The following HS6ST3 variants were observed in gnomAD, a reference collection of about 807,000 sequenced individuals.
HS6ST3 encodes the protein heparan-sulfate 6-O-sulfotransferase 3.
A neutral mutation model predicts 36.7 loss-of-function variants in HS6ST3; 12 were observed. The observed-to-expected ratio is 0.33, with a 90% CI of 0.21 to 0.53. The LOEUF is 0.53. Ranked by LOEUF, HS6ST3 falls within the 20% of genes least tolerant of loss-of-function variation. HS6ST3 has a pLI of 0.95. For synonymous variants in HS6ST3, 240 were observed against 257.5 expected (o/e 0.93, Z 0.65); for missense variants, 584 against 640.9 (o/e 0.91, Z 0.96).
At chr13:96,762,686 G>C (rs567211172) in intron 1 of HS6ST3, among the ~76,000 whole-genome samples, 1 of 152,088 alleles carries the variant, frequency 6.6e-6, no homozygotes, top group Non-Finnish European at 1.5e-5. Context: ...ATTAACAAAC[G>C]GTTGTTCATT....
At chr13:96,441,262 TAA>T in intron 1 of HS6ST3, among the ~76,000 whole-genome samples, 1 of 152,044 alleles carries the variant, frequency 6.6e-6, no homozygotes, top group East Asian at 1.9e-4. Context: ...CAAACTAAGA[TAA>T]AGACTTGAAA....
chr13:96,292,197 A>G (rs1042812110), intron 1 of HS6ST3, among the ~76,000 whole-genome samples: 2 of 138,152 alleles, frequency 1.4e-5, no homozygotes, highest in African/African-American at 5.3e-5. Flanking sequence ...AAGTTTTTAG[A>G]AGTTTAGAGT....
At chr13:96,556,938 G>C (rs2056243332) in intron 1 of HS6ST3, among the ~76,000 whole-genome samples, 1 of 152,182 alleles carries the variant, frequency 6.6e-6, no homozygotes, top group South Asian at 2.1e-4. Context: ...AGCAGCAGCA[G>C]CTACAGCAAA....
chr13:96,724,574 ATAGAT>A (rs1374938681), intron 1 of HS6ST3, among the ~76,000 whole-genome samples: 1 of 152,110 alleles, frequency 6.6e-6, no homozygotes, highest in Non-Finnish European at 1.5e-5. Flanking sequence ...TTCTGTGACT[ATAGAT>A]TAGTTTTCAT....
chr13:96,349,516 A>G (rs1304710191), intron 1 of HS6ST3, among the ~76,000 whole-genome samples: 1 of 152,218 alleles, frequency 6.6e-6, no homozygotes, highest in Non-Finnish European at 1.5e-5. Context: ...GGAAACATCC[A>G]GGGATATAAT....
At chr13:96,416,421 A>G (rs1266296821) in intron 1 of HS6ST3, among the ~76,000 whole-genome samples, 1 of 152,228 alleles carries the variant, frequency 6.6e-6, no homozygotes, top group Admixed American at 6.5e-5. Context: ...AAATTTTGCA[A>G]TCACTAAGCA....
chr13:96,598,518 A>G (rs998146500), intron 1 of HS6ST3, among the ~76,000 whole-genome samples: 1 of 152,108 alleles, frequency 6.6e-6, no homozygotes, highest in Non-Finnish European at 1.5e-5. Flanking sequence ...ATCTGTGTAC[A>G]TTGATCTGTA....
At chr13:96,401,876 A>G (rs1404936144) in intron 1 of HS6ST3, among the ~76,000 whole-genome samples, 1 of 152,170 alleles carries the variant, frequency 6.6e-6, no homozygotes, top group Non-Finnish European at 1.5e-5. Context: ...ACCCAGCAGG[A>G]TTGTTATTTA....
At chr13:96,390,850 C>A (rs377077549) in intron 1 of HS6ST3, among the ~76,000 whole-genome samples, 14 of 152,308 alleles carry the variant, frequency 9.2e-5, no homozygotes, top group African/African-American at 2.2e-4. Flanking sequence ...TGGTCCGTCT[C>A]ATACAGTTCA....
intron 1 of HS6ST3, among the ~76,000 whole-genome samples, chr13:96,538,636 GT>G (rs1330947931): frequency 1.3e-5 from 2 of 151,950 alleles, no homozygotes; most frequent in African/African-American, 4.8e-5. Context: ...TAGAGATGGG[GT>G]TTTGCCATGT....
intron 1 of HS6ST3, among the ~76,000 whole-genome samples, chr13:96,109,965 G>A (rs1463397489): frequency 6.6e-6 from 1 of 152,220 alleles, no homozygotes; most frequent in African/African-American, 2.4e-5. Flanking sequence ...TATGCAGTGA[G>A]GGATGTGCTG....
intron 1 of HS6ST3, among the ~76,000 whole-genome samples, chr13:96,522,406 G>T (rs2056097196): frequency 1.3e-5 from 2 of 152,118 alleles, no homozygotes; most frequent in Admixed American, 1.3e-4. Context: ...GGATATCCTT[G>T]TTAATTTTCT....
At position 96,610,555 on chromosome 13, in the gene HS6ST3, C is replaced by T. The variant is rs555510818; in HGVS notation, c.708-221935C>T. ...ATGTACGTTGGCTTCTTTCTTTGTT[C>T]CTTCCCTTTTGCCATGTATACCTTG... On this transcript the variant is annotated intron_variant, in intron 1 of 1. Transcript: ENST00000376705. Among the ~76,000 whole-genome samples the T allele has an allele frequency of 4.6e-5, 7 of 152,244 alleles. No individual in the cohort carries two copies. In the South Asian group the frequency reaches 1.5e-3, roughly 32 times the overall value.
intron 1 of HS6ST3, among the ~76,000 whole-genome samples, chr13:96,695,353 A>T (rs1044838783): frequency 2.0e-5 from 3 of 152,210 alleles, no homozygotes; most frequent in African/African-American, 7.2e-5. Context: ...CCATTCTCAC[A>T]TCTTACAGGT....
At chr13:96,602,390 A>G (rs994753135) in intron 1 of HS6ST3, among the ~76,000 whole-genome samples, 1 of 152,116 alleles carries the variant, frequency 6.6e-6, no homozygotes, top group African/African-American at 2.4e-5. Flanking sequence ...TTTTAATAAT[A>G]GGTACTTATT....
At chr13:96,637,435 C>T (rs949533054) in intron 1 of HS6ST3, among the ~76,000 whole-genome samples, 4 of 152,064 alleles carry the variant, frequency 2.6e-5, no homozygotes, top group Admixed American at 1.3e-4. Flanking sequence ...GACAAAGTTA[C>T]TTAATCTCTC....
At position 96,402,059 on chromosome 13, in the gene HS6ST3, C is replaced by G. The variant is rs536796592; in HGVS notation, c.707+310490C>G. Among the ~76,000 whole-genome samples the G allele has an allele frequency of 2.5e-3, 381 of 152,266 alleles. 6 individuals are homozygous for G. Among genetic ancestry groups the G allele is most frequent in the African/African-American group, 8.8e-3 (367 of 41,548 alleles). On this transcript the variant is annotated intron_variant, in intron 1 of 1. Transcript: ENST00000376705. The stretch of plus-strand genomic sequence containing the variant: ...CTGTGCTCAAGAAATTCTCCCATCT[C>G]AGCATCCCAAGTAGCTGAGATTACA...
intron 1 of HS6ST3, among the ~76,000 whole-genome samples, chr13:96,590,236 A>G (rs549423630): frequency 6.6e-6 from 1 of 152,126 alleles, no homozygotes; most frequent in East Asian, 1.9e-4. Context: ...TAGTAGCTCT[A>G]TTTTTAGTTT....
intron 1 of HS6ST3, among the ~76,000 whole-genome samples, chr13:96,347,325 C>T (rs2055160761): frequency 6.6e-6 from 1 of 152,192 alleles, no homozygotes. Context: ...CCAACAAAAG[C>T]ACGTTATGGT....
Sources: gnomAD v4.1 joint callset for allele counts (sites outside exome capture counted in the v4.1 genomes callset) on GRCh38, gnomAD v4.1.1 for gene constraint, MANE v1.5 for transcripts, NCBI Gene and HGNC (gene_info 2026-07-23, HGNC 2026-07-21) for gene names.